Variants in VAMP7 observed in about 807,000 individuals in gnomAD.
VAMP7 encodes the protein vesicle-associated membrane protein 7.
VAMP7 carries 14 observed loss-of-function variants against 29.6 expected under a neutral mutation model. The ratio of observed to expected loss-of-function variants is 0.47; its 90% CI spans 0.31 to 0.74. The LOEUF (loss-of-function observed/expected upper bound fraction) is 0.74, where lower values mean the gene tolerates loss of function less well. Among genes scored for constraint, VAMP7 ranks in the 30% least tolerant of loss-of-function variants. The probability of loss-of-function intolerance (pLI) is 0.05; values close to 1 mark genes in which losing one functional copy is unlikely to be tolerated. For synonymous variants in VAMP7, 95 were observed against 88.1 expected, an observed-to-expected ratio of 1.08 and a Z score of -0.44; for missense variants, 223 against 262.4, an observed-to-expected ratio of 0.85 and a Z score of 1.04.
chrX:155,941,053 G>A (rs150826860), intron 7 of VAMP7, among the ~76,000 whole-genome samples: 2,389 of 152,204 alleles, frequency 0.016, 63 homozygotes, highest in Middle Eastern at 0.061. Context: ...GCTTATGCCT[G>A]TAATCCCAGC....
In VAMP7 at chrX:155,943,255, A is replaced by T. The variant is rs865949864; in HGVS notation, c.*1304A>T. The T allele has an allele frequency of 6.6e-6, 1 of 151,898 alleles. No homozygotes were observed. The highest frequency in any genetic ancestry group is 2.4e-5 in the African/African-American group (1 of 41,196). The allele number at this position is 151,898 out of a possible 1,614,324, so 9.4% of individuals were successfully genotyped here. A position where few individuals can be genotyped will look rare whatever the true frequency, so the allele number is the denominator to read the frequency against. Reference sequence around the variant, plus strand: ...TATTACATTTTACACTTTCTCAATGAATGAACAAATTAGTCTGTAGAATCT... The same window carrying T: ...TATTACATTTTACACTTTCTCAATGTATGAACAAATTAGTCTGTAGAATCT... On this transcript the variant is annotated 3_prime_UTR_variant, in exon 8 of 8. Transcript: ENST00000286448.
At chrX:155,893,439 A>G (rs910827168) in intron 2 of VAMP7, among the ~76,000 whole-genome samples, 1 of 152,212 alleles carries the variant, frequency 6.6e-6, no homozygotes, top group African/African-American at 2.4e-5. Flanking sequence ...TAAGGAAGCT[A>G]GAAAACGTTA....
rs2066139613 is a variant in VAMP7, at chrX:155,905,852, A to G, written c.433+5265A>G. On this transcript the variant is annotated intron_variant, in intron 5 of 7. Coordinates refer to ENST00000286448, the MANE Select transcript of VAMP7 (RefSeq NM_005638.6). ...CATCTTCCAACTTTATTCTTTCTCA[A>G]AATTGCTTTGACTATTCTGGGTACC... Among the ~76,000 whole-genome samples, 3 of 152,088 alleles carry G rather than the reference A, an allele frequency of 2.0e-5. No homozygotes were observed. In the South Asian group the frequency reaches 6.2e-4, roughly 32 times the overall value.
At chrX:155,895,975 G>A (rs1351079021) in intron 3 of VAMP7, among the ~76,000 whole-genome samples, 1 of 152,094 alleles carries the variant, frequency 6.6e-6, no homozygotes, top group Admixed American at 6.5e-5. Context: ...TCTAATGCCT[G>A]ATGATCTGAG....
chrX:155,942,027 C>A lies in VAMP7; in HGVS notation c.*76C>A. On this transcript the variant is annotated 3_prime_UTR_variant, in exon 8 of 8. Transcript: ENST00000286448. ...AGCAATCCATGTGACTCAAGCCTTT[C>A]ACATACTGACAGATGGTATCTGCCA... 2 of 1,612,006 alleles carry A rather than the reference C, an allele frequency of 1.2e-6. No homozygotes were observed. The highest frequency in any genetic ancestry group is 1.7e-6 in the Non-Finnish European group (2 of 1,178,864).
At position 155,910,707 on chromosome X, in the gene VAMP7, G is replaced by A. The variant is rs776764074; in HGVS notation, c.434-9106G>A. On this transcript the variant is annotated intron_variant, in intron 5 of 7. Coordinates refer to ENST00000286448, the MANE Select transcript of VAMP7 (RefSeq NM_005638.6). ...TTTATTTGCATTTCTATGATGTTGA[G>A]CATTTTTTCATATACCTTTTGGCCA... Among the ~76,000 whole-genome samples, 11 of 151,724 alleles carry A rather than the reference G, an allele frequency of 7.3e-5. No individual in the cohort carries two copies. The East Asian group carries it at 1.5e-3, about 21-fold the overall frequency.
intron 6 of VAMP7, 111 bp downstream of exon 6, chrX:155,919,991 T>C: frequency 5.7e-6 from 5 of 878,212 alleles, no homozygotes; most frequent in Admixed American, 5.1e-5. Context: ...GGTTTTTTTT[T>C]CTTTCTCATT....
chrX:155,885,755 A>G (rs28513528), intron 1 of VAMP7, among the ~76,000 whole-genome samples: 72 of 152,274 alleles, frequency 4.7e-4, no homozygotes, highest in African/African-American at 1.7e-3. Flanking sequence ...CCTCCAAGCC[A>G]AGGAACACCA....
intron 6 of VAMP7, among the ~76,000 whole-genome samples, chrX:155,932,341 C>G (rs1336795523): frequency 6.6e-6 from 1 of 152,166 alleles, no homozygotes. Flanking sequence ...TATCCATGAG[C>G]ATGGAATGTT....
At chrX:155,884,707 C>T (rs1275793897) in intron 1 of VAMP7, among the ~76,000 whole-genome samples, 1 of 152,200 alleles carries the variant, frequency 6.6e-6, no homozygotes, top group Admixed American at 6.5e-5. Flanking sequence ...TTATAAGATA[C>T]ACATGTAGAT....
intron 6 of VAMP7, among the ~76,000 whole-genome samples, chrX:155,932,718 C>A (rs952720600): frequency 2.9e-4 from 44 of 152,226 alleles, no homozygotes; most frequent in African/African-American, 1.0e-3. Context: ...TGCCTGATTG[C>A]CCTGGCCAGA....
intron 2 of VAMP7, among the ~76,000 whole-genome samples, chrX:155,894,548 T>A (rs1031889728): frequency 1.3e-5 from 2 of 152,038 alleles, no homozygotes; most frequent in African/African-American, 4.8e-5. Context: ...ATCTATTAGG[T>A]GCTGTTTTAC....
chrX:155,942,006 A>C lies in VAMP7; in HGVS notation c.*55A>C. The C allele has an allele frequency of 6.2e-7, 1 of 1,613,492 alleles. No homozygotes were observed. The highest frequency in any genetic ancestry group is 8.5e-7 in the Non-Finnish European group (1 of 1,179,712). ...ATGAGAGAACAAGGAGTTAAAAGCA[A>C]TCCATGTGACTCAAGCCTTTCACAT... On this transcript the variant is annotated 3_prime_UTR_variant, in exon 8 of 8. Transcript: ENST00000286448.
At chrX:155,882,739 A>G (rs1009732270) in intron 1 of VAMP7, among the ~76,000 whole-genome samples, 3 of 152,210 alleles carry the variant, frequency 2.0e-5, no homozygotes, top group Non-Finnish European at 4.4e-5. Flanking sequence ...AAAGTTATCT[A>G]CCATTTATAG....
Position 155,926,399 on chromosome X carries a change from T to C in VAMP7, c.501+6519T>C, listed in dbSNP as rs111876352. 1.6e-3 allele frequency among the ~76,000 whole-genome samples: 248 copies of C among 152,338 alleles called. 2 individuals carry two copies. Among genetic ancestry groups the C allele is most frequent in the African/African-American group, 5.8e-3 (241 of 41,584 alleles). On this transcript the variant is annotated intron_variant, in intron 6 of 7. Coordinates refer to ENST00000286448, the MANE Select transcript of VAMP7 (RefSeq NM_005638.6). ...CTTGCTGCTTCACCTTGTACTTTTA[T>C]GTTATAGAGATGGCTTCTTTCCTTA...
At chrX:155,904,082 A>T (rs770202306) in intron 5 of VAMP7, among the ~76,000 whole-genome samples, 1 of 151,700 alleles carries the variant, frequency 6.6e-6, no homozygotes, top group African/African-American at 2.4e-5. Context: ...GGAAATCCTC[A>T]TTCTCAGTAA....
At chrX:155,894,159 ATCTCT>A (rs1167693245) in intron 2 of VAMP7, among the ~76,000 whole-genome samples, 1 of 152,046 alleles carries the variant, frequency 6.6e-6, no homozygotes, top group East Asian at 1.9e-4. Context: ...GCTGCCTCCT[ATCTCT>A]TCTCTGTCCC....
intron 2 of VAMP7, 56 bp from the exon 3 acceptor site, chrX:155,895,567 A>G: frequency 1.5e-6 from 2 of 1,314,108 alleles, no homozygotes; most frequent in Non-Finnish European, 2.2e-6. Flanking sequence ...TAGAAGATAG[A>G]AGTAAAAGTG....
chrX:155,924,053 A>C (rs938276491), intron 6 of VAMP7, among the ~76,000 whole-genome samples: 1 of 152,054 alleles, frequency 6.6e-6, no homozygotes, highest in African/African-American at 2.4e-5. Context: ...ATGTAATGCA[A>C]ATTTTGATAG....
Sources: allele counts gnomAD v4.1 joint callset (sites outside exome capture counted in the v4.1 genomes callset), GRCh38; gene constraint gnomAD v4.1.1; transcripts MANE v1.5; gene names NCBI Gene and HGNC (gene_info 2026-07-23, HGNC 2026-07-21).